Variants in TECPR2 observed in about 807,000 individuals in gnomAD.
TECPR2 encodes tectonin beta-propeller repeat-containing protein 2.
TECPR2 carries 65 observed loss-of-function variants against 138.1 expected under a neutral mutation model. That is an observed-to-expected ratio of 0.47 (90% CI 0.39 to 0.58). The LOEUF (loss-of-function observed/expected upper bound fraction) is 0.58. Ranked by LOEUF, TECPR2 falls within the 20% of genes least tolerant of loss-of-function variation. The pLI is 0.00. For missense variants in TECPR2, 1,553 were observed against 1,824.5 expected (o/e 0.85, Z 2.71); for synonymous variants, 746 against 749.8 (o/e 0.99, Z 0.08).
chr14:102,393,122 A>G (rs1888223204), intron 2 of TECPR2, among the ~76,000 whole-genome samples: 2 of 152,158 alleles, frequency 1.3e-5, no homozygotes, highest in Admixed American at 1.3e-4. Flanking sequence ...TGTGCCAGAT[A>G]GTTACAGGGT....
chr14:102,445,702 T>C (rs1889955994), intron 12 of TECPR2, 104 bp from the exon 13 acceptor site: 3 of 1,435,916 alleles, frequency 2.1e-6, no homozygotes, highest in Non-Finnish European at 2.8e-6. Context: ...CCACGTCTCT[T>C]CTCCCAGCCA....
At chr14:102,377,435 C>T (rs1306219775) in intron 2 of TECPR2, among the ~76,000 whole-genome samples, 2 of 152,208 alleles carry the variant, frequency 1.3e-5, no homozygotes, top group African/African-American at 4.8e-5. Context: ...ACTCGGATTA[C>T]AGGCATGAGC....
At chr14:102,454,957 C>G (rs941007713) in intron 16 of TECPR2, among the ~76,000 whole-genome samples, 7 of 152,240 alleles carry the variant, frequency 4.6e-5, no homozygotes, top group Non-Finnish European at 7.3e-5. Context: ...CAGCACAGCT[C>G]ATGCCTCCCT....
At chr14:102,402,838 G>A (rs56413146) in intron 2 of TECPR2, among the ~76,000 whole-genome samples, 2,558 of 152,186 alleles carry the variant, frequency 0.017, 27 homozygotes, top group Middle Eastern at 0.027. Context: ...AGACTAAACC[G>A]TGAAAAAATA....
chr14:102,367,280 A>C (rs1243479746), intron 1 of TECPR2, among the ~76,000 whole-genome samples: 1 of 152,182 alleles, frequency 6.6e-6, no homozygotes, highest in African/African-American at 2.4e-5. Flanking sequence ...TTTACATGCC[A>C]CACAGTTCAC....
intron 17 of TECPR2, among the ~76,000 whole-genome samples, chr14:102,487,695 C>G (rs1193421944): frequency 1.3e-5 from 2 of 152,136 alleles, no homozygotes; most frequent in African/African-American, 4.8e-5. Context: ...GCGCCCGCCA[C>G]CACGCCTGGC....
chr14:102,487,513 A>G (rs1891054765), intron 17 of TECPR2, among the ~76,000 whole-genome samples: 1 of 152,112 alleles, frequency 6.6e-6, no homozygotes, highest in South Asian at 2.1e-4. Context: ...CTGTGGTCTG[A>G]GCCCCAGACA....
chr14:102,440,532 C>T lies in TECPR2; in HGVS notation c.2675C>T (p.Pro892Leu), dbSNP rs762680033. The change falls in exon 11 of 20, where the codon CCC becomes CTC. Residue 892 changes from proline (P) to leucine (L), a missense_variant. Coordinates refer to ENST00000359520, the MANE Select transcript of TECPR2 (RefSeq NM_014844.5). ...AAGCGGCACTGGTACGAAGCCCTGCCCCAGGCAGTGTTTGTGGCCCTGAGC... is the reference window on the plus strand; with the variant it reads ...AAGCGGCACTGGTACGAAGCCCTGCTCCAGGCAGTGTTTGTGGCCCTGAGC... ...KGKRHWYEAL[P>L]QAVFVALSDD... 12 of 1,614,046 alleles carry T rather than the reference C, an allele frequency of 7.4e-6. No individual in the cohort carries two copies. Among genetic ancestry groups the T allele is most frequent in the Non-Finnish European group, 1.0e-5 (12 of 1,180,048 alleles).
rs768087934 is a variant in TECPR2, at chr14:102,434,857, G to C, written c.2040G>C (p.Glu680Asp). Residue 680 changes from glutamate to aspartate, a missense_variant, in exon 9 of 20, where the codon GAG becomes GAC. By Grantham distance (45) the Glu-to-Asp change is conservative. Transcript: ENST00000359520. ...DEGSPVEPSQEQDILTSMEAS... is the reference protein window; with the variant it reads ...DEGSPVEPSQDQDILTSMEAS... The stretch of plus-strand genomic sequence containing the variant: ...GCAGCCCCGTGGAGCCCAGCCAAGA[G>C]CAGGACATCCTAACCAGCATGGAGG... The C allele has an allele frequency of 6.2e-7, 1 of 1,613,650 alleles. No homozygotes were observed. The highest frequency in any genetic ancestry group is 8.5e-7 in the Non-Finnish European group (1 of 1,180,044).
At chr14:102,438,940 C>T (rs182487339) in intron 10 of TECPR2, among the ~76,000 whole-genome samples, 2 of 151,140 alleles carry the variant, frequency 1.3e-5, no homozygotes, top group African/African-American at 4.9e-5. Context: ...CAGCTCACTG[C>T]GAGCTCCACC....
At chr14:102,458,738 T>C (rs1285614921) in intron 16 of TECPR2, among the ~76,000 whole-genome samples, 1 of 152,018 alleles carries the variant, frequency 6.6e-6, no homozygotes, top group East Asian at 1.9e-4. Flanking sequence ...CTCTTCTTCC[T>C]TCAGGACTCA....
At chr14:102,495,934 C>A (rs896362304) in intron 17 of TECPR2, among the ~76,000 whole-genome samples, 1 of 152,226 alleles carries the variant, frequency 6.6e-6, no homozygotes, top group Non-Finnish European at 1.5e-5. Context: ...CCTGAGGGCC[C>A]TGAGAGTGTC....
At chr14:102,487,731 C>T (rs1292871724) in intron 17 of TECPR2, among the ~76,000 whole-genome samples, 25 of 150,416 alleles carry the variant, frequency 1.7e-4, no homozygotes, top group South Asian at 2.1e-4. Flanking sequence ...TTAGTAGAGA[C>T]GGGGTTTCAC....
intron 17 of TECPR2, among the ~76,000 whole-genome samples, chr14:102,484,651 T>G (rs1890980886): frequency 1.3e-5 from 2 of 152,130 alleles, no homozygotes; most frequent in Non-Finnish European, 2.9e-5. Flanking sequence ...CTCTCTGTCC[T>G]TAGGAGATTT....
In TECPR2 at chr14:102,450,621, G is replaced by T. The variant is rs1008686238; in HGVS notation, c.3378G>T (p.Val1126=). 1 of 1,614,200 alleles carries T rather than the reference G, an allele frequency of 6.2e-7. No individual in the cohort carries two copies. The highest frequency in any genetic ancestry group is 8.5e-7 in the Non-Finnish European group (1 of 1,180,024). ...GTASATKWAF[V]LASAAPTKEG... is the part of the protein sequence containing the mutation. ...CTTCTGCTACAAAATGGGCCTTTGT[G>T]TTGGCTTCTGCAGCTCCCACGAAGG... Residue 1126 remains valine (V), a synonymous_variant, in exon 15 of 20, where the codon GTG becomes GTT. Coordinates refer to ENST00000359520, the MANE Select transcript of TECPR2 (RefSeq NM_014844.5).
At chr14:102,478,560 A>T (rs1241150568) in intron 17 of TECPR2, among the ~76,000 whole-genome samples, 1 of 151,802 alleles carries the variant, frequency 6.6e-6, no homozygotes, top group Non-Finnish European at 1.5e-5. Context: ...ATGTGCCTGT[A>T]GTTCCAGCTA....
chr14:102,413,029 G>C (rs1157393039), intron 4 of TECPR2, among the ~76,000 whole-genome samples: 3 of 152,080 alleles, frequency 2.0e-5, no homozygotes, highest in East Asian at 3.9e-4. Flanking sequence ...CTTGGAGGTG[G>C]AGATTGCAGT....
In TECPR2 at chr14:102,498,647, A is replaced by G. The variant is rs1891358776; in HGVS notation, c.*390A>G. The G allele has an allele frequency of 2.5e-6, 1 of 400,250 alleles. No individual in the cohort carries two copies. Among genetic ancestry groups the G allele is most frequent in the East Asian group, 5.7e-5 (1 of 17,528 alleles). The allele number at this position is 400,250 out of a possible 1,614,324, so 24.8% of individuals were successfully genotyped here. On this transcript the variant is annotated 3_prime_UTR_variant, in exon 20 of 20. Coordinates refer to ENST00000359520, the MANE Select transcript of TECPR2 (RefSeq NM_014844.5). ...CTGGTTTGGCCCAGGGCCTCCTTCC[A>G]CATTAGTAGCCCCAGGGCCAGATGG...
chr14:102,474,822 C>T (rs1293124693), intron 17 of TECPR2, among the ~76,000 whole-genome samples: 5 of 152,054 alleles, frequency 3.3e-5, no homozygotes, highest in South Asian at 2.1e-4. Flanking sequence ...TAAATCTGAA[C>T]CCCAGTAGGT....
Sources: allele counts gnomAD v4.1 joint callset (sites outside exome capture counted in the v4.1 genomes callset), GRCh38; gene constraint gnomAD v4.1.1; transcripts MANE v1.5; gene names NCBI Gene and HGNC (gene_info 2026-07-23, HGNC 2026-07-21).